The following ZNF407 variants were observed in gnomAD, a reference collection of about 807,000 sequenced individuals.
ZNF407 encodes the protein zinc finger protein 407.
ZNF407 carries 17 observed loss-of-function variants against 131.2 expected under a neutral mutation model. The observed-to-expected ratio is 0.13, with a 90% CI of 0.09 to 0.19. The LOEUF (loss-of-function observed/expected upper bound fraction) is 0.19. Ranked by LOEUF, ZNF407 falls within the 10% of genes least tolerant of loss-of-function variation. The pLI, the probability that ZNF407 is intolerant of heterozygous loss-of-function variation, is 1.00. For missense variants in ZNF407, 2,681 were observed against 2,830.6 expected (o/e 0.95, Z 1.20); for synonymous variants, 1,156 against 1,062.0 (o/e 1.09, Z -1.72).
Position 74,632,237 on chromosome 18 carries a change from C to G in ZNF407, c.1218C>G (p.His406Gln). Residue 406 changes from histidine to glutamine, a missense_variant, in exon 2 of 9, where the codon CAC (histidine) becomes CAG (glutamine). This residue lies in a region of ZNF407 where 1,789 missense variants were observed against 1,748.7 expected (regional missense o/e 1.02). Transcript: ENST00000299687. ...CAAAAAATACCCTTCAGGCAGCACA[C>G]GGTAACAGTGTAACCTCGAGGCCAA... ...ESTKNTLQAA[H>Q]GNSVTSRPRP... The G allele has an allele frequency of 6.2e-7, 1 of 1,613,942 alleles. No homozygotes were observed. Among genetic ancestry groups the G allele is most frequent in the Middle Eastern group, 1.6e-4 (1 of 6,062 alleles).
At chr18:74,598,130 C>A (rs1345896519) in intron 1 of ZNF407, 193 bp downstream of exon 1, 1 of 151,118 alleles carries the variant, frequency 6.6e-6, no homozygotes, top group African/African-American at 2.4e-5. Context: ...CTTCCCGACA[C>A]CCGCCCAGAC....
chr18:74,681,915 T>C (rs1966992670), intron 3 of ZNF407, among the ~76,000 whole-genome samples: 1 of 151,982 alleles, frequency 6.6e-6, no homozygotes, highest in Non-Finnish European at 1.5e-5. Flanking sequence ...CAAAAGGGAG[T>C]ATGTTGAATA....
chr18:74,916,626 G>A (rs867807959), intron 7 of ZNF407, among the ~76,000 whole-genome samples: 184 of 105,386 alleles, frequency 1.7e-3, no homozygotes, highest in South Asian at 0.01. Context: ...GGTTCGAATC[G>A]GGAGTGTGTG....
intron 1 of ZNF407, among the ~76,000 whole-genome samples, chr18:74,608,965 T>C (rs1475920818): frequency 6.6e-6 from 1 of 152,230 alleles, no homozygotes; most frequent in East Asian, 1.9e-4. Flanking sequence ...GACTCATTTT[T>C]TTTTTGATTT....
At chr18:74,782,833 A>G (rs966827092) in intron 4 of ZNF407, among the ~76,000 whole-genome samples, 4 of 151,902 alleles carry the variant, frequency 2.6e-5, no homozygotes, top group East Asian at 2.0e-4. Context: ...GTTGGCCAGG[A>G]TGGTCTCAAT....
At chr18:74,943,228 T>C (rs1972120088) in intron 8 of ZNF407, among the ~76,000 whole-genome samples, 1 of 152,252 alleles carries the variant, frequency 6.6e-6, no homozygotes, top group African/African-American at 2.4e-5. Flanking sequence ...AAAATCCATT[T>C]TTTAAATTTA....
chr18:75,031,012 G>A (rs1485092130), intron 8 of ZNF407, among the ~76,000 whole-genome samples: 1 of 152,122 alleles, frequency 6.6e-6, no homozygotes, highest in Admixed American at 6.5e-5. Flanking sequence ...TTGGGCCATG[G>A]GTGTTTGCAG....
chr18:75,026,056 A>T (rs1973167105), intron 8 of ZNF407, among the ~76,000 whole-genome samples: 1 of 152,166 alleles, frequency 6.6e-6, no homozygotes, highest in Non-Finnish European at 1.5e-5. Context: ...TTGGGCAAAA[A>T]CCAGATGGGC....
At chr18:74,802,727 T>C (rs1412511263) in intron 4 of ZNF407, among the ~76,000 whole-genome samples, 3 of 152,226 alleles carry the variant, frequency 2.0e-5, no homozygotes, top group African/African-American at 4.8e-5. Flanking sequence ...ACACTAAATA[T>C]ATTTAAATTG....
In ZNF407 at chr18:74,658,403, A is replaced by G. The variant is rs186774698; in HGVS notation, c.4802+17281A>G. Among the ~76,000 whole-genome samples the G allele has an allele frequency of 3.7e-3, 563 of 152,268 alleles. 1 individual carries two copies. The highest frequency in any genetic ancestry group is 0.013 in the African/African-American group (534 of 41,550). ...AAGTGTGGGATTACAGGTGTGTGCC[A>G]CCGCGCCTGGCCTTCGTCTTTATTT... On this transcript the variant is annotated intron_variant, in intron 3 of 8. Coordinates refer to ENST00000299687, the MANE Select transcript of ZNF407 (RefSeq NM_017757.3).
In ZNF407 at chr18:74,597,906, G is replaced by A. The variant is rs534840840; in HGVS notation, c.-85G>A. Reference sequence around the variant, plus strand: ...GGTGAGCCGGAGGAGTCAGTCAGAGGGGCGAGCAGGAGCGATTCCGTCGCC... The same window carrying A: ...GGTGAGCCGGAGGAGTCAGTCAGAGAGGCGAGCAGGAGCGATTCCGTCGCC... On this transcript the variant is annotated 5_prime_UTR_variant, in exon 1 of 9. Coordinates refer to ENST00000299687, the MANE Select transcript of ZNF407 (RefSeq NM_017757.3). 1 of 152,240 alleles carries A rather than the reference G, an allele frequency of 6.6e-6. No homozygotes were observed. Among genetic ancestry groups the A allele is most frequent in the African/African-American group, 2.4e-5 (1 of 41,044 alleles). 9.4% of individuals were successfully genotyped at this position (152,240 alleles called of 1,614,324 possible).
At chr18:74,684,351 C>T (rs1421171703) in intron 3 of ZNF407, among the ~76,000 whole-genome samples, 1 of 151,926 alleles carries the variant, frequency 6.6e-6, no homozygotes, top group African/African-American at 2.4e-5. Flanking sequence ...AATTTAATTT[C>T]TTAGATTGAA....
intron 8 of ZNF407, among the ~76,000 whole-genome samples, chr18:74,963,078 G>C (rs1197788697): frequency 6.6e-6 from 1 of 151,250 alleles, no homozygotes; most frequent in Non-Finnish European, 1.5e-5. Flanking sequence ...GTTCTCCCCG[G>C]TTTCTTTGTA....
chr18:74,672,428 G>T (rs373309153), intron 3 of ZNF407, among the ~76,000 whole-genome samples: 1 of 38,376 alleles, frequency 2.6e-5, no homozygotes, highest in Non-Finnish European at 8.6e-5. Context: ...CTGTTTGTCC[G>T]TTGGAGCACT....
At chr18:74,644,009 C>A (rs767016553) in intron 3 of ZNF407, among the ~76,000 whole-genome samples, 3 of 151,846 alleles carry the variant, frequency 2.0e-5, no homozygotes, top group Non-Finnish European at 4.4e-5. Context: ...CCTATTAGGT[C>A]GTTAGGATTA....
chr18:74,856,166 G>T (rs1970856604), intron 4 of ZNF407, among the ~76,000 whole-genome samples: 1 of 152,110 alleles, frequency 6.6e-6, no homozygotes, highest in African/African-American at 2.4e-5. Context: ...ATTTTTCTTA[G>T]ATCATTAGCA....
rs759213443 is a variant in ZNF407 at position 75,064,064 on chromosome 18, A to G, written c.6343A>G (p.Met2115Val). 3.8e-6 allele frequency: 6 copies of G among 1,591,774 alleles called. No individual in the cohort carries two copies. Among genetic ancestry groups the G allele is most frequent in the Non-Finnish European group, 5.1e-6 (6 of 1,170,098 alleles). ...VVVSEEGAVH[M>V]VAGEGAQIIM... is the part of the protein sequence containing the mutation. ...GGTGAGCGAAGAGGGTGCCGTCCAC[A>G]TGGTCGCCGGGGAGGGTGCCCAGAT... The change falls in exon 9 of 9, where the codon ATG becomes GTG. Residue 2115 changes from methionine to valine, a missense_variant. By Grantham distance (21) the Met-to-Val change is conservative (BLOSUM62 1). Around this residue, in one of 6 missense-constraint regions of ZNF407, gnomAD observed 620 missense variants for 583.1 expected, o/e 1.06. Coordinates refer to ENST00000299687, the MANE Select transcript of ZNF407 (RefSeq NM_017757.3).
intron 1 of ZNF407, among the ~76,000 whole-genome samples, chr18:74,610,000 A>G (rs1319798540): frequency 6.6e-6 from 1 of 152,186 alleles, no homozygotes; most frequent in Non-Finnish European, 1.5e-5. Context: ...TTCTCAAAAC[A>G]CATATGCCTT....
intron 3 of ZNF407, among the ~76,000 whole-genome samples, chr18:74,772,329 AC>A (rs1969379452): frequency 6.6e-6 from 1 of 152,172 alleles, no homozygotes; most frequent in African/African-American, 2.4e-5. Context: ...TAGAAAAACA[AC>A]CCTATAAATC....
Sources: gnomAD v4.1 joint callset for allele counts (sites outside exome capture counted in the v4.1 genomes callset) on GRCh38, gnomAD v4.1.1 for gene constraint, gnomAD v4.1.1 regional missense constraint, MANE v1.5 for transcripts, NCBI Gene and HGNC (gene_info 2026-07-23, HGNC 2026-07-21) for gene names.